ZNF236: variants seen among roughly 807,000 people sequenced by gnomAD.
ZNF236 encodes the protein regulated by glucose.
ZNF236 carries 50 observed loss-of-function variants against 191.2 expected under a neutral mutation model. That is an observed-to-expected ratio of 0.26 (90% CI 0.21 to 0.33). The LOEUF (loss-of-function observed/expected upper bound fraction) is 0.33. Among genes scored for constraint, ZNF236 ranks in the 10% least tolerant of loss-of-function variants. ZNF236 has a pLI of 1.00. For missense variants in ZNF236, 1,754 were observed against 2,374.5 expected (o/e 0.74, Z 5.43); for synonymous variants, 907 against 928.8 (o/e 0.98, Z 0.43).
intron 2 of ZNF236, 107 bp downstream of exon 2, chr18:76,849,775 G>A: frequency 4.8e-6 from 5 of 1,034,254 alleles, no homozygotes; most frequent in Non-Finnish European, 6.5e-6. Context: ...CTAAATAGTA[G>A]AACATTTTAT....
At chr18:76,866,557 C>T (rs902364992) in intron 3 of ZNF236, among the ~76,000 whole-genome samples, 4 of 152,180 alleles carry the variant, frequency 2.6e-5, no homozygotes, top group Non-Finnish European at 5.9e-5. Context: ...TAGCATTGCA[C>T]GCTCTGGTCT....
chr18:76,842,412 G>C (rs995007824), intron 1 of ZNF236, among the ~76,000 whole-genome samples: 7 of 149,944 alleles, frequency 4.7e-5, no homozygotes, highest in African/African-American at 1.7e-4. Context: ...CAAATGCATG[G>C]TGCATCTCTG....
In ZNF236 at chr18:76,875,809, A is replaced by G; in HGVS notation, c.840+145A>G. ...GAGCAGACCCTGTTTTAAAAAATACATACGTGGGAATTTTTTTGGTTTATT... is the reference window on the plus strand; with the variant it reads ...GAGCAGACCCTGTTTTAAAAAATACGTACGTGGGAATTTTTTTGGTTTATT... On this transcript the variant is annotated intron_variant, in intron 6 of 30. Coordinates refer to ENST00000320610, the MANE Select transcript of ZNF236 (RefSeq NM_001306089.2). The surrounding 1 kb of genome is among the most constrained non-coding windows in gnomAD (Gnocchi z 4.3). 3 of 873,902 alleles carry G rather than the reference A, an allele frequency of 3.4e-6. No homozygotes were observed. Among genetic ancestry groups the G allele is most frequent in the Non-Finnish European group, 4.6e-6 (3 of 653,208 alleles). 54.1% of individuals were successfully genotyped at this position (873,902 alleles called of 1,614,324 possible). A position where few individuals can be genotyped will look rare whatever the true frequency, so the allele number is the denominator to read the frequency against.
At chr18:76,915,165 T>A (rs1408115363) in intron 18 of ZNF236, among the ~76,000 whole-genome samples, 1 of 152,212 alleles carries the variant, frequency 6.6e-6, no homozygotes, top group African/African-American at 2.4e-5. Flanking sequence ...GAGAGGGCCT[T>A]CTGTATGGGA....
At position 76,960,319 on chromosome 18, in the gene ZNF236, T is replaced by C. The variant is rs470337; in HGVS notation, c.5243-360T>C. 0.8 allele frequency among the ~76,000 whole-genome samples: 122,316 copies of C among 152,170 alleles called. 49,399 individuals carry two copies. The highest frequency in any genetic ancestry group is 0.88 in the Admixed American group (13,437 of 15,298). The stretch of plus-strand genomic sequence containing the variant: ...CCATCTTCTGCCTCTTGACTGTACA[T>C]GATAGCTCGTGTCAGCCCTTCCGTC... On this transcript the variant is annotated intron_variant, in intron 29 of 30. Transcript: ENST00000320610. The surrounding 1 kb of genome is among the most constrained non-coding windows in gnomAD (Gnocchi z 4.4).
In ZNF236 at chr18:76,910,061, T is replaced by C; in HGVS notation, c.2552-7T>C. 6.2e-7 allele frequency: 1 copy of C among 1,604,430 alleles called. No individual in the cohort carries two copies. Among genetic ancestry groups the C allele is most frequent in the Non-Finnish European group, 8.5e-7 (1 of 1,172,514 alleles). On this transcript the variant is annotated splice_region_variant and splice_polypyrimidine_tract_variant and intron_variant, in intron 14 of 30. Transcript: ENST00000320610. ...ATGCGTCCCCCTTTTTTACATCTCA[T>C]CCTCAGATGGGTTTGTGGCTCCACA... is the stretch of plus-strand genomic sequence containing the variant.
At chr18:76,841,361 C>T (rs1187235460) in intron 1 of ZNF236, among the ~76,000 whole-genome samples, 6 of 152,242 alleles carry the variant, frequency 3.9e-5, no homozygotes, top group Non-Finnish European at 5.9e-5. Context: ...CGTGAGCCTC[C>T]GCGCCCGGCC....
intron 10 of ZNF236, chr18:76,898,068 GA>G (rs1977487099): frequency 6.6e-6 from 1 of 152,208 alleles, no homozygotes; most frequent in Non-Finnish European, 1.5e-5. Flanking sequence ...GATTTAGACT[GA>G]GTGAGCCTTT....
At position 76,972,861 on chromosome 18, in the gene ZNF236, G is replaced by T. The variant is rs1968928151; in HGVS notation, c.*4522G>T. 6.6e-6 allele frequency among the ~76,000 whole-genome samples: 1 copy of T among 152,134 alleles called. No individual in the cohort carries two copies. Among genetic ancestry groups the T allele is most frequent in the South Asian group, 2.1e-4 (1 of 4,830 alleles). ...AGTGATGCCAAAAGCCACCGTGCTG[G>T]CTTTAAAAATAATAAAAATAGTTTT... is the stretch of plus-strand genomic sequence containing the variant. On this transcript the variant is annotated 3_prime_UTR_variant, in exon 31 of 31. Transcript: ENST00000320610.
At position 76,914,006 on chromosome 18, in the gene ZNF236, GATT is replaced by G. The variant is rs1341237270; in HGVS notation, c.3061+109_3061+111del. The G allele has an allele frequency of 2.9e-5, 35 of 1,223,936 alleles. No individual in the cohort carries two copies. In the African/African-American group the frequency reaches 4.1e-4, roughly 14 times the overall value. 75.8% of individuals were successfully genotyped at this position (1,223,936 alleles called of 1,614,324 possible). A position where few individuals can be genotyped will look rare whatever the true frequency, so the allele number is the denominator to read the frequency against. Reference sequence around the variant, plus strand: ...ACCCACTTAAAGTGTACAATTCAGTGATTTTTAGTATGTTCATAGAGTTCTGCA... The same window carrying G: ...ACCCACTTAAAGTGTACAATTCAGTGTTTAGTATGTTCATAGAGTTCTGCA... On this transcript the variant is annotated intron_variant, in intron 18 of 30. Coordinates refer to ENST00000320610, the MANE Select transcript of ZNF236 (RefSeq NM_001306089.2).
chr18:76,894,988 C>G, intron 9 of ZNF236, 25 bp from the exon 10 acceptor site: 2 of 1,602,982 alleles, frequency 1.2e-6, no homozygotes, highest in Non-Finnish European at 1.7e-6. Flanking sequence ...CCAGGCCAAG[C>G]GGGACGTGTC....
chr18:76,927,941 A>G lies in ZNF236; in HGVS notation c.4429A>G (p.Thr1477Ala), dbSNP rs1258062169. 6.2e-7 allele frequency: 1 copy of G among 1,601,784 alleles called. No homozygotes were observed. The highest frequency in any genetic ancestry group is 1.1e-5 in the South Asian group (1 of 89,186). ...TTNSSGTQDL[T>A]QVMTSQGLVS... ...ATGACAATCAGGGACCCAAGACCTC[A>G]CTCAAGTGATGACTTCGCAAGGTCT... Residue 1477 changes from threonine (T) to alanine (A), a missense_variant, in exon 25 of 31, where the codon ACT becomes GCT. By Grantham distance (58) the Thr-to-Ala change is moderately conservative (BLOSUM62 0). Transcript: ENST00000320610. This position sits in a 1 kb window ranked among gnomAD's most constrained non-coding sequence, Gnocchi z 5.4.
At chr18:76,909,938 C>A in intron 14 of ZNF236, 130 bp from the exon 15 acceptor site, 1 of 622,808 alleles carries the variant, frequency 1.6e-6, no homozygotes, top group South Asian at 2.2e-5. Flanking sequence ...ATTAAATTAT[C>A]TCCCTGTTTT....
Position 76,947,519 on chromosome 18 carries a change from A to G in ZNF236, c.4783-2A>G. The G allele has an allele frequency of 6.2e-7, 1 of 1,610,564 alleles. No homozygotes were observed. ...TCTGAAATAGTACTAATCTTTTGCC[A>G]GGGTCAGCAGTTCCCAGCGCTCCTC... On this transcript the variant is annotated splice_acceptor_variant, in intron 26 of 30. Transcript: ENST00000320610. LOFTEE classifies it high-confidence loss of function.
intron 30 of ZNF236, among the ~76,000 whole-genome samples, chr18:76,962,138 G>A (rs1968681286): frequency 6.6e-6 from 1 of 152,070 alleles, no homozygotes; most frequent in Admixed American, 6.5e-5. Context: ...CCTCGCCGAA[G>A]CCAATGTCTA....
intron 4 of ZNF236, among the ~76,000 whole-genome samples, chr18:76,869,833 G>A (rs1056386149): frequency 1.1e-4 from 16 of 152,294 alleles, no homozygotes; most frequent in African/African-American, 3.4e-4. Flanking sequence ...GCACATGCCT[G>A]TAGTCCCAGG....
intron 1 of ZNF236, among the ~76,000 whole-genome samples, chr18:76,842,620 G>A (rs1426519039): frequency 4.6e-5 from 7 of 151,976 alleles, no homozygotes; most frequent in South Asian, 2.1e-4. Context: ...GTGTGGTGGC[G>A]CATGCCTGTA....
At chr18:76,852,523 A>G (rs1179723351) in intron 3 of ZNF236, among the ~76,000 whole-genome samples, 1 of 152,110 alleles carries the variant, frequency 6.6e-6, no homozygotes, top group African/African-American at 2.4e-5. Flanking sequence ...CTCCTTCGTC[A>G]GGTGCAGTGG....
intron 14 of ZNF236, among the ~76,000 whole-genome samples, chr18:76,909,094 G>C (rs1220653242): frequency 1.3e-5 from 2 of 151,830 alleles, no homozygotes; most frequent in Non-Finnish European, 2.9e-5. Context: ...GAGGCAGGTG[G>C]ATCACTTGAG....
Sources: allele counts gnomAD v4.1 joint callset (sites outside exome capture counted in the v4.1 genomes callset), GRCh38; gene constraint gnomAD v4.1.1; non-coding constraint Gnocchi (gnomAD v3.1); transcripts MANE v1.5; gene names NCBI Gene and HGNC (gene_info 2026-07-23, HGNC 2026-07-21).